VPS13B: variants seen among roughly 807,000 people sequenced by gnomAD.
The protein encoded by VPS13B is intermembrane lipid transfer protein VPS13B.
VPS13B carries 285 observed loss-of-function variants against 426.4 expected under a neutral mutation model. The ratio of observed to expected loss-of-function variants is 0.67; its 90% CI spans 0.61 to 0.74. VPS13B has a LOEUF of 0.74. VPS13B is among the 30% of genes least tolerant of loss of function. The probability of loss-of-function intolerance (pLI) is 0.00; values close to 1 mark genes in which losing one functional copy is unlikely to be tolerated. For missense variants in VPS13B, 4,537 were observed against 4,782.6 expected (o/e 0.95, Z 1.51); for synonymous variants, 1,676 against 1,676.4 (o/e 1.00, Z 0.01).
At chr8:99,297,910 C>T (rs1820131295) in intron 19 of VPS13B, among the ~76,000 whole-genome samples, 1 of 152,080 alleles carries the variant, frequency 6.6e-6, no homozygotes, top group African/African-American at 2.4e-5. Context: ...TTAATGTCTT[C>T]TTGCTGGGTA....
chr8:99,788,976 G>T (rs1812410126), intron 43 of VPS13B, among the ~76,000 whole-genome samples: 1 of 152,158 alleles, frequency 6.6e-6, no homozygotes, highest in African/African-American at 2.4e-5. Flanking sequence ...ACAGATAATA[G>T]TTAAAATCTA....
At chr8:99,233,313 GGCTTCCA>G in intron 17 of VPS13B, 1 of 1,110,060 alleles carries the variant, frequency 9.0e-7, no homozygotes, top group Non-Finnish European at 1.4e-6. Flanking sequence ...CTCTGATATG[GGCTTCCA>G]GCTTCACTTC....
chr8:99,852,648 T>C (rs1328748784), intron 55 of VPS13B, among the ~76,000 whole-genome samples: 5 of 152,226 alleles, frequency 3.3e-5, no homozygotes, highest in Admixed American at 6.5e-5. Context: ...ACGAGTTGTT[T>C]TATTAGGCTG....
intron 3 of VPS13B, among the ~76,000 whole-genome samples, chr8:99,051,820 GTCTT>G: frequency 6.6e-6 from 1 of 152,094 alleles, no homozygotes. Flanking sequence ...CTCATTATTT[GTCTT>G]TCTGTTTGTC....
intron 30 of VPS13B, among the ~76,000 whole-genome samples, chr8:99,544,616 G>A (rs1273688090): frequency 2.6e-5 from 4 of 151,954 alleles, no homozygotes; most frequent in Non-Finnish European, 5.9e-5. Context: ...TCTACCTACC[G>A]CTTTTTGCTT....
At position 99,653,591 on chromosome 8, in the gene VPS13B, A is replaced by G. The variant is rs1385745548; in HGVS notation, c.5909-7763A>G. On this transcript the variant is annotated intron_variant, in intron 34 of 61. Coordinates refer to ENST00000357162, the MANE Select transcript of VPS13B (RefSeq NM_152564.5). ...TTTAATAAGAAAGAGATCAAGGACA[A>G]CACAGAGCAGCACATAAAATGAATT... 3.3e-5 allele frequency among the ~76,000 whole-genome samples: 5 copies of G among 152,186 alleles called. No homozygotes were observed. The East Asian group carries it at 9.6e-4, about 29-fold the overall frequency.
intron 35 of VPS13B, among the ~76,000 whole-genome samples, chr8:99,662,718 G>A (rs1563850574): frequency 6.6e-6 from 1 of 151,772 alleles, no homozygotes; most frequent in East Asian, 1.9e-4. Flanking sequence ...AACGTGCTGG[G>A]ATTACAGGTG....
At chr8:99,301,156 A>G (rs2133071591) in intron 19 of VPS13B, among the ~76,000 whole-genome samples, 1 of 152,226 alleles carries the variant, frequency 6.6e-6, no homozygotes, top group African/African-American at 2.4e-5. Context: ...TCGAGGCTGC[A>G]GTGAGCCATG....
rs75494096 is a variant in VPS13B at position 99,376,333 on chromosome 8, C to T, written c.2825-7875C>T. Among the ~76,000 whole-genome samples the T allele has an allele frequency of 6.5e-3, 996 of 152,284 alleles. 6 individuals are homozygous for T. The highest frequency in any genetic ancestry group is 0.023 in the African/African-American group (964 of 41,560). Reference sequence around the variant, plus strand: ...TGAATTGAGTATATGATGAAAATCTCTCTCTAAATTAAAGAGAACATTATC... The same window carrying T: ...TGAATTGAGTATATGATGAAAATCTTTCTCTAAATTAAAGAGAACATTATC... On this transcript the variant is annotated intron_variant, in intron 19 of 61. Transcript: ENST00000357162.
At chr8:99,627,029 C>G (rs1828643265) in intron 33 of VPS13B, among the ~76,000 whole-genome samples, 1 of 152,128 alleles carries the variant, frequency 6.6e-6, no homozygotes. Flanking sequence ...CAGACAAATA[C>G]TGCTCGATCT....
In VPS13B at chr8:99,415,689, G is replaced by A. The variant is rs144862502; in HGVS notation, c.3083-15848G>A. Reference sequence around the variant, plus strand: ...CAGGCTGCTCTGCTGCAGGTCTGCTGGAGTTTGCTGGAGGTTCACTCCAGA... The same window carrying A: ...CAGGCTGCTCTGCTGCAGGTCTGCTAGAGTTTGCTGGAGGTTCACTCCAGA... On this transcript the variant is annotated intron_variant, in intron 21 of 61. Transcript: ENST00000357162. Among the ~76,000 whole-genome samples, 527 of 152,310 alleles carry A rather than the reference G, an allele frequency of 3.5e-3. 3 individuals carry two copies. Among genetic ancestry groups the A allele is most frequent in the African/African-American group, 0.011 (463 of 41,566 alleles).
At chr8:99,407,988 A>C (rs55852968) in intron 21 of VPS13B, among the ~76,000 whole-genome samples, 4,221 of 152,246 alleles carry the variant, frequency 0.028, 181 homozygotes, top group African/African-American at 0.094. Flanking sequence ...TTCAACCTGT[A>C]TTCTTGCCAA....
intron 19 of VPS13B, among the ~76,000 whole-genome samples, chr8:99,282,971 C>A (rs960773753): frequency 3.3e-5 from 5 of 152,116 alleles, no homozygotes; most frequent in Non-Finnish European, 7.4e-5. Context: ...TGTAAATTAA[C>A]TGTTACATTG....
At chr8:99,102,913 A>G in intron 4 of VPS13B, 40 bp from the exon 5 acceptor site, 1 of 1,499,568 alleles carries the variant, frequency 6.7e-7, no homozygotes, top group Non-Finnish European at 9.3e-7. Context: ...ATTTACTGAG[A>G]GATTTGTGGC....
intron 17 of VPS13B, among the ~76,000 whole-genome samples, chr8:99,226,943 A>G (rs1563614115): frequency 1.3e-5 from 2 of 152,074 alleles, no homozygotes; most frequent in Non-Finnish European, 2.9e-5. Flanking sequence ...CATTGTTGCT[A>G]TTAGCCTCCC....
At chr8:99,046,145 A>G (rs979869880) in intron 3 of VPS13B, among the ~76,000 whole-genome samples, 2 of 152,066 alleles carry the variant, frequency 1.3e-5, no homozygotes, top group Non-Finnish European at 2.9e-5. Flanking sequence ...CAGTATGGTC[A>G]TTTTCACAAT....
At chr8:99,323,109 T>A (rs1810067069) in intron 19 of VPS13B, among the ~76,000 whole-genome samples, 1 of 152,200 alleles carries the variant, frequency 6.6e-6, no homozygotes, top group African/African-American at 2.4e-5. Context: ...ACTCTTTCGT[T>A]CCTTTTGAGC....
chr8:99,383,166 G>C (rs945568705), intron 19 of VPS13B, among the ~76,000 whole-genome samples: 1 of 152,134 alleles, frequency 6.6e-6, no homozygotes, highest in African/African-American at 2.4e-5. Context: ...GACAAAAATA[G>C]GTTAGTTAGT....
chr8:99,368,458 T>G (rs1813004537), intron 19 of VPS13B, among the ~76,000 whole-genome samples: 1 of 152,238 alleles, frequency 6.6e-6, no homozygotes, highest in South Asian at 2.1e-4. Context: ...CAAATTCATT[T>G]TTTTTAGTCC....
Sources: allele counts gnomAD v4.1 joint callset (sites outside exome capture counted in the v4.1 genomes callset), GRCh38; gene constraint gnomAD v4.1.1; transcripts MANE v1.5; gene names NCBI Gene and HGNC (gene_info 2026-07-23, HGNC 2026-07-21).